SYNJ1: variants seen among roughly 807,000 people sequenced by gnomAD.
SYNJ1 encodes polyphosphatidylinositol phosphatase SYNJ1.
SYNJ1 carries 78 observed loss-of-function variants against 168.2 expected under a neutral mutation model. The ratio of observed to expected loss-of-function variants is 0.46; its 90% confidence interval spans 0.39 to 0.56. SYNJ1 has a LOEUF of 0.56. Among genes scored for constraint, SYNJ1 ranks in the 20% least tolerant of loss-of-function variants. The pLI, the probability that SYNJ1 is intolerant of heterozygous loss-of-function variation, is 0.00. For synonymous variants in SYNJ1, 539 were observed against 548.6 expected, an observed-to-expected ratio of 0.98 and a Z score of 0.24; for missense variants, 1,303 against 1,597.6, an observed-to-expected ratio of 0.82 and a Z score of 3.14.
chr21:32,657,993 G>A lies in SYNJ1; in HGVS notation c.2305-121C>T, dbSNP rs112195788. 7.0e-5 allele frequency: 50 copies of A among 713,806 alleles called. 2 individuals carry two copies. The highest frequency in any genetic ancestry group is 3.6e-4 in the African/African-American group (20 of 55,610). 44.2% of individuals were successfully genotyped at this position (713,806 alleles called of 1,614,324 possible). A position where few individuals can be genotyped will look rare whatever the true frequency, so the allele number is the denominator to read the frequency against. ...ATGCTCTCAGAAGAAATCTGTATGCGTCTGATGAACACTTCTAGCTGAATG... is the reference window on the plus strand; with the variant it reads ...ATGCTCTCAGAAGAAATCTGTATGCATCTGATGAACACTTCTAGCTGAATG... On this transcript the variant is annotated intron_variant, in intron 18 of 32. Coordinates refer to ENST00000674351, the MANE Select transcript of SYNJ1 (RefSeq NM_203446.3).
At chr21:32,671,277 T>C (rs1317710563) in intron 14 of SYNJ1, among the ~76,000 whole-genome samples, 1 of 151,248 alleles carries the variant, frequency 6.6e-6, no homozygotes, top group Non-Finnish European at 1.5e-5. Flanking sequence ...ACTGCACCAC[T>C]GCCTGGGCAA....
At chr21:32,686,756 A>C (rs1054308310) in intron 8 of SYNJ1, among the ~76,000 whole-genome samples, 2 of 152,228 alleles carry the variant, frequency 1.3e-5, no homozygotes, top group Non-Finnish European at 2.9e-5. Context: ...ATTAGAAAAC[A>C]GTGTCATTTG....
At chr21:32,677,357 T>G (rs1298224337) in intron 12 of SYNJ1, among the ~76,000 whole-genome samples, 2 of 152,214 alleles carry the variant, frequency 1.3e-5, no homozygotes, top group Non-Finnish European at 2.9e-5. Context: ...TATATCATAT[T>G]GGAACAAATT....
chr21:32,727,551 C>T (rs557389301), intron 1 of SYNJ1, among the ~76,000 whole-genome samples: 42 of 152,256 alleles, frequency 2.8e-4, no homozygotes, highest in African/African-American at 9.9e-4. Context: ...AGAGTCACGA[C>T]TCGGGGCACC....
intron 15 of SYNJ1, among the ~76,000 whole-genome samples, chr21:32,669,295 T>C (rs1316885342): frequency 6.6e-6 from 1 of 152,218 alleles, no homozygotes; most frequent in Non-Finnish European, 1.5e-5. Flanking sequence ...CCTGTCTCTT[T>C]AAGAAAAACA....
intron 11 of SYNJ1, among the ~76,000 whole-genome samples, chr21:32,679,772 A>C (rs1203035119): frequency 6.6e-6 from 1 of 152,148 alleles, no homozygotes; most frequent in Non-Finnish European, 1.5e-5. Context: ...ATTTCTTTCT[A>C]TATAATAGCA....
At chr21:32,713,006 A>T (rs1425198992) in intron 2 of SYNJ1, among the ~76,000 whole-genome samples, 4 of 152,376 alleles carry the variant, frequency 2.6e-5, no homozygotes, top group African/African-American at 9.6e-5. Context: ...CATTTATAAT[A>T]GCAAAATTGG....
chr21:32,702,053 A>G lies in SYNJ1; in HGVS notation c.125-6T>C. The G allele has an allele frequency of 1.3e-6, 2 of 1,553,490 alleles. No individual in the cohort carries two copies. Among genetic ancestry groups the G allele is most frequent in the South Asian group, 1.3e-5 (1 of 79,918 alleles). On this transcript the variant is annotated splice_region_variant and splice_polypyrimidine_tract_variant and intron_variant, in intron 2 of 32. Transcript: ENST00000674351. The stretch of plus-strand genomic sequence containing the variant: ...TGCCTCTTTTTCTGCAGATGCTACA[A>G]AAAAAAGTTTTAGTTTAAGAAAAAT...
At chr21:32,648,650 T>C (rs1235815577) in intron 23 of SYNJ1, among the ~76,000 whole-genome samples, 1 of 152,228 alleles carries the variant, frequency 6.6e-6, no homozygotes, top group East Asian at 1.9e-4. Flanking sequence ...TTCCACATAC[T>C]CAATCCCAGG....
In SYNJ1 at chr21:32,684,380, A is replaced by C. The variant is rs1414214421; in HGVS notation, c.1119-261T>G. Among the ~76,000 whole-genome samples, 5 of 152,250 alleles carry C rather than the reference A, an allele frequency of 3.3e-5. No individual in the cohort carries two copies. In the South Asian group the frequency reaches 6.2e-4, roughly 19 times the overall value. On this transcript the variant is annotated intron_variant, in intron 9 of 32. Transcript: ENST00000674351. ...ATTTTTAATTAGGCCAACAATTAGA[A>C]ACTAAATATACATTCAGGTTTATGC...
chr21:32,714,505 T>C (rs2146328630), intron 2 of SYNJ1, among the ~76,000 whole-genome samples: 1 of 152,244 alleles, frequency 6.6e-6, no homozygotes, highest in Non-Finnish European at 1.5e-5. Context: ...TTGCATGGAA[T>C]CTCAAGGAAA....
intron 15 of SYNJ1, 91 bp from the exon 16 acceptor site, chr21:32,666,664 A>AAGACTCTGAAGG: frequency 7.5e-7 from 1 of 1,339,034 alleles, no homozygotes; most frequent in Non-Finnish European, 1.0e-6. Context: ...TTATCTACCC[A>AAGACTCTGAAGG]AATATCCTAA....
At chr21:32,728,041 T>G (rs2122963615), upstream of SYNJ1, 3 of 1,530,774 alleles carry the variant, frequency 2.0e-6, no homozygotes, top group East Asian at 2.5e-5. Flanking sequence ...TCTTCCGCAT[T>G]GCGCCGCGGC....
At chr21:32,692,489 T>C (rs2042061403) in intron 6 of SYNJ1, among the ~76,000 whole-genome samples, 1 of 152,048 alleles carries the variant, frequency 6.6e-6, no homozygotes, top group South Asian at 2.1e-4. Flanking sequence ...GGTAGGAGAA[T>C]TGCTTGACCC....
At position 32,681,626 on chromosome 21, in the gene SYNJ1, G is replaced by C; in HGVS notation, c.1223C>G (p.Ala408Gly). ...CTGAGGCTTTTCAGCTAAACCAAGA[G>C]CTTCCAACTGTTTAGCTAGCATCTT... ...GLEMLAKQLE[A>G]LGLAEKPQLV... Residue 408 changes from alanine to glycine, a missense_variant, in exon 11 of 33, where the codon GCT becomes GGT. Coordinates refer to ENST00000674351, the MANE Select transcript of SYNJ1 (RefSeq NM_203446.3). 1 of 1,613,140 alleles carries C rather than the reference G, an allele frequency of 6.2e-7. No individual in the cohort carries two copies. The highest frequency in any genetic ancestry group is 8.5e-7 in the Non-Finnish European group (1 of 1,179,572).
chr21:32,700,918 A>AT (rs1160693955), intron 3 of SYNJ1, among the ~76,000 whole-genome samples: 1 of 152,126 alleles, frequency 6.6e-6, no homozygotes, highest in Admixed American at 6.5e-5. Context: ...TTTCACAGAG[A>AT]TTTTTTTCAT....
In SYNJ1 at chr21:32,656,814, C is replaced by T. The variant is rs1187688126; in HGVS notation, c.2668G>A (p.Gly890Ser). The T allele has an allele frequency of 6.2e-7, 1 of 1,614,046 alleles. No individual in the cohort carries two copies. The highest frequency in any genetic ancestry group is 1.3e-5 in the African/African-American group (1 of 75,004). Residue 890 changes from glycine (G) to serine (S), a missense_variant, in exon 21 of 33, where the codon GGT becomes AGT. This residue lies in a region of SYNJ1 where 920 missense variants were observed against 1,208.8 expected (regional missense o/e 0.76). Coordinates refer to ENST00000674351, the MANE Select transcript of SYNJ1 (RefSeq NM_203446.3). ...ACCAATACTGTACCATCTGGTGGACCCTGAACTGCAATTACTTCTTTATAA... is the reference window on the plus strand; with the variant it reads ...ACCAATACTGTACCATCTGGTGGACTCTGAACTGCAATTACTTCTTTATAA... The part of the protein sequence containing the change: ...NIYKEVIAVQ[G>S]PPDGTVLVSI...
At chr21:32,685,437 A>AT (rs1472249963) in intron 9 of SYNJ1, among the ~76,000 whole-genome samples, 2 of 148,550 alleles carry the variant, frequency 1.3e-5, no homozygotes, top group Non-Finnish European at 3.0e-5. Context: ...AAAAAAAAAA[A>AT]AAAAAAAAAA....
intron 18 of SYNJ1, among the ~76,000 whole-genome samples, chr21:32,663,283 G>T (rs2040788018): frequency 6.6e-6 from 1 of 152,310 alleles, no homozygotes; most frequent in African/African-American, 2.4e-5. Flanking sequence ...AGAAGGAAAA[G>T]AATTCACTCA....
Sources: gnomAD v4.1 joint callset for allele counts (sites outside exome capture counted in the v4.1 genomes callset) on GRCh38, gnomAD v4.1.1 for gene constraint, gnomAD v4.1.1 regional missense constraint, MANE v1.5 for transcripts, NCBI Gene and HGNC (gene_info 2026-07-23, HGNC 2026-07-21) for gene names.